The following RAB11A variants were observed in gnomAD, a reference collection of about 807,000 sequenced individuals.
RAB11A encodes ras-related protein Rab-11A.
RAB11A carries 9 observed loss-of-function variants against 28.0 expected under a neutral mutation model. The ratio of observed to expected loss-of-function variants is 0.32; its 90% CI spans 0.19 to 0.56. RAB11A has a LOEUF of 0.56. Among genes scored for constraint, RAB11A ranks in the 20% least tolerant of loss-of-function variants. The probability of loss-of-function intolerance (pLI) is 0.91; values close to 1 mark genes in which losing one functional copy is unlikely to be tolerated. For synonymous variants in RAB11A, 85 were observed against 88.2 expected (o/e 0.96, Z 0.20); for missense variants, 108 against 269.6 (o/e 0.40, Z 4.20).
chr15:65,879,913 T>C (rs1297561084), intron 4 of RAB11A, among the ~76,000 whole-genome samples, 162 bp downstream of exon 4: 3 of 152,214 alleles, frequency 2.0e-5, no homozygotes, highest in Non-Finnish European at 4.4e-5. Flanking sequence ...ACTACAACCC[T>C]TGCTCACTGA....
At chr15:65,887,236 C>T (rs923684945) in intron 4 of RAB11A, among the ~76,000 whole-genome samples, 4 of 151,012 alleles carry the variant, frequency 2.6e-5, no homozygotes, top group Non-Finnish European at 5.9e-5. Context: ...TGCAGTGGCA[C>T]GATCTCATCT....
At position 65,891,782 on chromosome 15, in the gene RAB11A, C is replaced by T. The variant is rs2078298519; in HGVS notation, c.*3942C>T. 1 of 152,050 alleles carries T rather than the reference C, an allele frequency of 6.6e-6. No homozygotes were observed. Among genetic ancestry groups the T allele is most frequent in the Admixed American group, 6.6e-5 (1 of 15,266 alleles). 9.4% of individuals were successfully genotyped at this position (152,050 alleles called of 1,614,324 possible). A position where few individuals can be genotyped will look rare whatever the true frequency, so the allele number is the denominator to read the frequency against. On this transcript the variant is annotated 3_prime_UTR_variant, in exon 5 of 5. Transcript: ENST00000261890. ...CTCCTTTAAATAAGATGAAAGCTTT[C>T]AGAACATTTATTTGCAAAATGACTG... is the stretch of plus-strand genomic sequence containing the variant.
rs1382433115 is a variant in RAB11A, at chr15:65,877,319, T to C, written c.41-13T>C. ...GCCTCATTCATCTGACATTGAATTC[T>C]TTGTCTTTCCAGTTGTCCTTATTGG... On this transcript the variant is annotated splice_polypyrimidine_tract_variant and intron_variant, in intron 1 of 4. Transcript: ENST00000261890. The surrounding 1 kb of genome is among the most constrained non-coding windows in gnomAD (Gnocchi z 4.1). 6.3e-7 allele frequency: 1 copy of C among 1,598,422 alleles called. No homozygotes were observed. Among genetic ancestry groups the C allele is most frequent in the Non-Finnish European group, 8.5e-7 (1 of 1,169,690 alleles).
intron 4 of RAB11A, among the ~76,000 whole-genome samples, chr15:65,884,860 G>A (rs1008645913): frequency 1.3e-5 from 2 of 151,392 alleles, no homozygotes; most frequent in African/African-American, 4.9e-5. Context: ...GAGTTTTGTG[G>A]GGGTGGGGGG....
intron 4 of RAB11A, among the ~76,000 whole-genome samples, chr15:65,880,744 TTAG>T (rs1218014378): frequency 1.3e-5 from 2 of 152,240 alleles, no homozygotes; most frequent in Non-Finnish European, 2.9e-5. Flanking sequence ...CCACTTACTG[TTAG>T]TTGTACAATC....
intron 4 of RAB11A, among the ~76,000 whole-genome samples, chr15:65,885,637 G>A (rs2078251763): frequency 6.6e-6 from 1 of 152,106 alleles, no homozygotes; most frequent in African/African-American, 2.4e-5. Flanking sequence ...CAAACGATAG[G>A]TAGAGGTTAG....
At chr15:65,887,577 T>C in intron 4 of RAB11A, 124 bp from the exon 5 acceptor site, 1 of 878,252 alleles carries the variant, frequency 1.1e-6, no homozygotes, top group Non-Finnish European at 1.6e-6. Context: ...TTTAAATTTA[T>C]GTATTCTCTG....
rs1216384269 is a variant in RAB11A, at chr15:65,888,012, A to G, written c.*172A>G. The G allele has an allele frequency of 3.2e-6, 2 of 618,286 alleles. No homozygotes were observed. The highest frequency in any genetic ancestry group is 4.9e-6 in the Non-Finnish European group (2 of 410,288). The allele number at this position is 618,286 out of a possible 1,614,324, so 38.3% of individuals were successfully genotyped here. A position where few individuals can be genotyped will look rare whatever the true frequency, so the allele number is the denominator to read the frequency against. The stretch of plus-strand genomic sequence containing the variant: ...TTTATAAAATCATCCACTTGTCCCG[A>G]ATGACTGCAGCTTTTTTTCATGCTA... On this transcript the variant is annotated 3_prime_UTR_variant, in exon 5 of 5. Transcript: ENST00000261890.
In RAB11A at chr15:65,890,729, C is replaced by T. The variant is rs1241813275; in HGVS notation, c.*2889C>T. On this transcript the variant is annotated 3_prime_UTR_variant, in exon 5 of 5. Coordinates refer to ENST00000261890, the MANE Select transcript of RAB11A (RefSeq NM_004663.5). ...GTTGAGCTGTTGTGATAATCTCTTC[C>T]ATCTACCTTAGAGAAGAAGCTGTAC... 6.6e-6 allele frequency: 1 copy of T among 152,104 alleles called. No individual in the cohort carries two copies. The highest frequency in any genetic ancestry group is 2.4e-5 in the African/African-American group (1 of 41,400). 9.4% of individuals were successfully genotyped at this position (152,104 alleles called of 1,614,324 possible).
chr15:65,869,520 G>A lies in RAB11A; in HGVS notation c.-66G>A. On this transcript the variant is annotated 5_prime_UTR_variant, in exon 1 of 5. Transcript: ENST00000261890. ...GAAGCTCGGCGCTCGGGTTACCCCT[G>A]CAGCGACGCCCCCTGGTCCCACAGA... is the stretch of plus-strand genomic sequence containing the variant. 5.1e-6 allele frequency: 8 copies of A among 1,583,726 alleles called. No homozygotes were observed. The highest frequency in any genetic ancestry group is 5.1e-6 in the Non-Finnish European group (6 of 1,166,328).
intron 4 of RAB11A, among the ~76,000 whole-genome samples, chr15:65,886,102 G>A (rs1256613528): frequency 2.0e-5 from 3 of 152,216 alleles, no homozygotes; most frequent in African/African-American, 4.8e-5. Context: ...TTCATCCTGT[G>A]CCAGGGAGAG....
At position 65,887,774 on chromosome 15, in the gene RAB11A, G is replaced by A. The variant is rs757949486; in HGVS notation, c.585G>A (p.Val195=). 93 of 1,613,582 alleles carry A rather than the reference G, an allele frequency of 5.8e-5. No individual in the cohort carries two copies. Among genetic ancestry groups the A allele is most frequent in the Non-Finnish European group, 7.0e-5 (83 of 1,179,808 alleles). The change falls in exon 5 of 5, where the codon GTG becomes GTA. Residue 195 remains valine, a synonymous_variant. Coordinates refer to ENST00000261890, the MANE Select transcript of RAB11A (RefSeq NM_004663.5). ...ATGACATGTCTCCAAGCAACAATGT[G>A]GTTCCTATTCATGTTCCACCAACCA... ...RENDMSPSNN[V]VPIHVPPTTE...
At position 65,876,024 on chromosome 15, in the gene RAB11A, A is replaced by C. The variant is rs1436444453; in HGVS notation, c.41-1308A>C. 2.0e-5 allele frequency among the ~76,000 whole-genome samples: 3 copies of C among 152,262 alleles called. No homozygotes were observed. The East Asian group carries it at 5.8e-4, about 29-fold the overall frequency. On this transcript the variant is annotated intron_variant, in intron 1 of 4. Transcript: ENST00000261890. ...AATTTTTACAAAGGAAAAAATATCT[A>C]GCTCAGATTCTATAAACGTGTGAAC...
In RAB11A at chr15:65,888,011, G is replaced by A. The variant is rs997637540; in HGVS notation, c.*171G>A. ...CTTTATAAAATCATCCACTTGTCCCGAATGACTGCAGCTTTTTTTCATGCT... is the reference window on the plus strand; with the variant it reads ...CTTTATAAAATCATCCACTTGTCCCAAATGACTGCAGCTTTTTTTCATGCT... On this transcript the variant is annotated 3_prime_UTR_variant, in exon 5 of 5. Coordinates refer to ENST00000261890, the MANE Select transcript of RAB11A (RefSeq NM_004663.5). The A allele has an allele frequency of 8.1e-6, 5 of 619,942 alleles. No individual in the cohort carries two copies. The highest frequency in any genetic ancestry group is 4.3e-5 in the South Asian group (1 of 23,110). 38.4% of individuals were successfully genotyped at this position (619,942 alleles called of 1,614,324 possible).
chr15:65,878,192 T>C (rs1378499711), intron 3 of RAB11A, among the ~76,000 whole-genome samples: 1 of 152,218 alleles, frequency 6.6e-6, no homozygotes, highest in Admixed American at 6.5e-5. Flanking sequence ...TTTTCTGTTA[T>C]GTTTCTGTGT....
At chr15:65,873,947 A>G (rs1596782686) in intron 1 of RAB11A, among the ~76,000 whole-genome samples, 1 of 152,186 alleles carries the variant, frequency 6.6e-6, no homozygotes, top group East Asian at 1.9e-4. Context: ...TATAGTTGAA[A>G]GAATAGAAAT....
rs967568197 is a variant in RAB11A at position 65,890,655 on chromosome 15, T to C, written c.*2815T>C. Reference sequence around the variant, plus strand: ...ATCATTGAAAAAATGAATATCTTAATTTTTGTCTTTGCTGACTGGTATTTA... The same window carrying C: ...ATCATTGAAAAAATGAATATCTTAACTTTTGTCTTTGCTGACTGGTATTTA... On this transcript the variant is annotated 3_prime_UTR_variant, in exon 5 of 5. Transcript: ENST00000261890. The C allele has an allele frequency of 6.6e-6, 1 of 152,214 alleles. No individual in the cohort carries two copies. The highest frequency in any genetic ancestry group is 2.4e-5 in the African/African-American group (1 of 41,438). 9.4% of individuals were successfully genotyped at this position (152,214 alleles called of 1,614,324 possible).
In RAB11A at chr15:65,885,133, G is replaced by GTT. The variant is rs56815495; in HGVS notation, c.512-2551_512-2550dup. On this transcript the variant is annotated intron_variant, in intron 4 of 4. Coordinates refer to ENST00000261890, the MANE Select transcript of RAB11A (RefSeq NM_004663.5). ...ATCCAAGAAATTTAACATTTATACA[G>GTT]TTTTTTTTTTTTTTTTTTGAGACAG... Among the ~76,000 whole-genome samples the GTT allele has an allele frequency of 2.4e-3, 312 of 129,320 alleles. 7 individuals are homozygous for GTT. The highest frequency in any genetic ancestry group is 6.6e-3 in the East Asian group (29 of 4,374). The allele number at this position is 129,320 out of a possible 152,430, so 84.8% of individuals were successfully genotyped here. A position where few individuals can be genotyped will look rare whatever the true frequency, so the allele number is the denominator to read the frequency against.
At chr15:65,883,788 G>A (rs1468988390) in intron 4 of RAB11A, among the ~76,000 whole-genome samples, 4 of 152,010 alleles carry the variant, frequency 2.6e-5, no homozygotes, top group Non-Finnish European at 4.4e-5. Context: ...CTGGCCTCAC[G>A]TGATTCGCCT....
Sources: gnomAD v4.1 joint callset for allele counts (sites outside exome capture counted in the v4.1 genomes callset) on GRCh38, gnomAD v4.1.1 for gene constraint, Gnocchi (gnomAD v3.1) non-coding constraint, MANE v1.5 for transcripts, NCBI Gene and HGNC (gene_info 2026-07-23, HGNC 2026-07-21) for gene names.